The following AFF3 variants were observed in gnomAD, a reference collection of about 807,000 sequenced individuals.
The protein encoded by AFF3 is ALF transcription elongation factor 3, also known as AF4/FMR2 family member 3.
AFF3 carries 32 observed loss-of-function variants against 129.7 expected under a neutral mutation model. That is an observed-to-expected ratio of 0.25 (90% CI 0.19 to 0.33). The LOEUF (loss-of-function observed/expected upper bound fraction) is 0.33. Ranked by LOEUF, AFF3 falls within the 10% of genes least tolerant of loss-of-function variation. The pLI is 1.00. For synonymous variants in AFF3, 644 were observed against 635.4 expected (o/e 1.01, Z -0.20); for missense variants, 1,373 against 1,592.0 (o/e 0.86, Z 2.34).
Position 99,943,830 on chromosome 2 carries a change from C to T in AFF3, c.873+62802G>A, listed in dbSNP as rs533391102. Among the ~76,000 whole-genome samples the T allele has an allele frequency of 9.9e-5, 15 of 152,194 alleles. No individual in the cohort carries two copies. The South Asian group carries it at 1.7e-3, about 17-fold the overall frequency. The stretch of plus-strand genomic sequence containing the variant: ...AGTGGAGTCTCCCGGTAATTTCCCT[C>T]TTGTATTGCATGTTTCTCTCAGATG... On this transcript the variant is annotated intron_variant, in intron 7 of 24. Transcript: ENST00000672756.
chr2:99,847,135 G>C (rs948115474), intron 7 of AFF3, among the ~76,000 whole-genome samples: 2 of 151,926 alleles, frequency 1.3e-5, no homozygotes, highest in African/African-American at 4.8e-5. Flanking sequence ...TTTTTAAATC[G>C]ATCTACCTAC....
intron 7 of AFF3, among the ~76,000 whole-genome samples, chr2:99,890,933 T>C (rs1407938548): frequency 1.3e-5 from 2 of 152,142 alleles, no homozygotes; most frequent in Non-Finnish European, 2.9e-5. Flanking sequence ...CAGATTTAAT[T>C]ATTCATGTGT....
chr2:99,941,856 G>A (rs190057496), intron 7 of AFF3, among the ~76,000 whole-genome samples: 29 of 152,284 alleles, frequency 1.9e-4, no homozygotes, highest in Middle Eastern at 3.4e-3. Context: ...ATGACATCAC[G>A]GAGCCTCTGC....
intron 11 of AFF3, among the ~76,000 whole-genome samples, chr2:99,703,386 TTTTTTTCTAG>T (rs1677058671): frequency 6.6e-6 from 1 of 152,144 alleles, no homozygotes; most frequent in Non-Finnish European, 1.5e-5. Context: ...TCTATCACAG[TTTTTTTCTAG>T]AAGTTCGAAT....
At chr2:99,987,195 G>A (rs1257803973) in intron 7 of AFF3, among the ~76,000 whole-genome samples, 1 of 152,198 alleles carries the variant, frequency 6.6e-6, no homozygotes, top group Non-Finnish European at 1.5e-5. Flanking sequence ...TTGTTGCAAA[G>A]GCTGAAGTCA....
intron 9 of AFF3, among the ~76,000 whole-genome samples, chr2:99,745,345 T>A (rs573382336): frequency 1.3e-3 from 195 of 152,334 alleles, no homozygotes; most frequent in Non-Finnish European, 2.3e-3. Flanking sequence ...TCAGTAATGT[T>A]CTTTGATGCA....
chr2:100,099,846 A>G (rs1690587806), intron 4 of AFF3, among the ~76,000 whole-genome samples: 1 of 152,170 alleles, frequency 6.6e-6, no homozygotes, highest in African/African-American at 2.4e-5. Flanking sequence ...AGTGTATCAC[A>G]CATAGTAATA....
intron 7 of AFF3, among the ~76,000 whole-genome samples, chr2:99,963,344 T>A (rs10183465): frequency 0.19 from 28,602 of 151,890 alleles, 3,499 homozygotes; most frequent in African/African-American, 0.34. Context: ...TTCAGGAAAG[T>A]AAAAGAACAT....
intron 10 of AFF3, among the ~76,000 whole-genome samples, chr2:99,728,621 T>G (rs1679555915): frequency 6.6e-6 from 1 of 152,158 alleles, no homozygotes; most frequent in Non-Finnish European, 1.5e-5. Context: ...AGTTCGTACA[T>G]CTATCTCAGA....
intron 1 of AFF3, among the ~76,000 whole-genome samples, chr2:100,135,537 C>T (rs892724512): frequency 1.3e-4 from 20 of 152,124 alleles, no homozygotes; most frequent in African/African-American, 4.6e-4. Flanking sequence ...AGAGAGAGAG[C>T]GCCCAAGGAG....
intron 4 of AFF3, among the ~76,000 whole-genome samples, chr2:100,012,028 G>A (rs1335302878): frequency 6.6e-6 from 1 of 152,082 alleles, no homozygotes; most frequent in Non-Finnish European, 1.5e-5. Flanking sequence ...CAGATTGCTA[G>A]ATAAAATCCA....
At chr2:99,851,459 G>A (rs924532797) in intron 7 of AFF3, among the ~76,000 whole-genome samples, 1 of 152,090 alleles carries the variant, frequency 6.6e-6, no homozygotes, top group Admixed American at 6.5e-5. Context: ...TTCCCTTTCC[G>A]CCTCTGGGCT....
chr2:100,017,312 A>T, intron 4 of AFF3, among the ~76,000 whole-genome samples: 1 of 152,112 alleles, frequency 6.6e-6, no homozygotes, highest in Non-Finnish European at 1.5e-5. Flanking sequence ...CCCACAGTGT[A>T]TTATTTCTAC....
At position 99,837,465 on chromosome 2, in the gene AFF3, G is replaced by T; in HGVS notation, c.921+12C>A. 6.2e-7 allele frequency: 1 copy of T among 1,611,220 alleles called. No individual in the cohort carries two copies. ...CCACAGATTGATAAGACTGTTTAAAGAATAATCTTACCCGGATTATTTCTT... is the reference window on the plus strand; with the variant it reads ...CCACAGATTGATAAGACTGTTTAAATAATAATCTTACCCGGATTATTTCTT... On this transcript the variant is annotated intron_variant, in intron 8 of 24. Transcript: ENST00000672756.
intron 7 of AFF3, among the ~76,000 whole-genome samples, chr2:99,901,494 C>T (rs7572738): frequency 1.3e-5 from 2 of 152,196 alleles, no homozygotes; most frequent in African/African-American, 2.4e-5. Flanking sequence ...AACTCATTAT[C>T]GTGATCCCAA....
chr2:99,612,607 T>C (rs1461878327), intron 13 of AFF3, among the ~76,000 whole-genome samples: 1 of 152,214 alleles, frequency 6.6e-6, no homozygotes, highest in Non-Finnish European at 1.5e-5. Flanking sequence ...AGGATTCCAG[T>C]TAGCTGGGGA....
At chr2:99,803,122 C>T (rs1484433312) in intron 8 of AFF3, among the ~76,000 whole-genome samples, 1 of 152,010 alleles carries the variant, frequency 6.6e-6, no homozygotes, top group Non-Finnish European at 1.5e-5. Context: ...GAGGTATGTT[C>T]CTTCTATGCC....
intron 2 of AFF3, among the ~76,000 whole-genome samples, chr2:100,115,629 A>G (rs1691705952): frequency 6.6e-6 from 1 of 152,136 alleles, no homozygotes; most frequent in Non-Finnish European, 1.5e-5. Context: ...CATCCGTTAT[A>G]TTTTCAGCTC....
chr2:99,852,031 C>A (rs1356660850), intron 7 of AFF3, among the ~76,000 whole-genome samples: 1 of 152,150 alleles, frequency 6.6e-6, no homozygotes, highest in East Asian at 1.9e-4. Flanking sequence ...GAACTGGTAA[C>A]CCAGCAGTCA....
Sources: allele counts gnomAD v4.1 joint callset (sites outside exome capture counted in the v4.1 genomes callset), GRCh38; gene constraint gnomAD v4.1.1; transcripts MANE v1.5; gene names NCBI Gene and HGNC (gene_info 2026-07-23, HGNC 2026-07-21).